VRK1: variants seen among roughly 807,000 people sequenced by gnomAD.
The protein encoded by VRK1 is VRK serine/threonine kinase 1.
In VRK1, 33 loss-of-function variants were observed where a neutral mutation model predicts 57.1. The ratio of observed to expected loss-of-function variants is 0.58; its 90% CI spans 0.44 to 0.77. VRK1 has a LOEUF of 0.77. Among genes scored for constraint, VRK1 ranks in the 30% least tolerant of loss-of-function variants. The pLI, the probability that VRK1 is intolerant of heterozygous loss-of-function variation, is 0.00. For missense variants in VRK1, 413 were observed against 477.3 expected, an observed-to-expected ratio of 0.87 and a Z score of 1.25; for synonymous variants, 137 against 147.8, an observed-to-expected ratio of 0.93 and a Z score of 0.53.
intron 11 of VRK1, among the ~76,000 whole-genome samples, chr14:96,870,465 A>T (rs1888776646): frequency 6.6e-6 from 1 of 152,206 alleles, no homozygotes; most frequent in South Asian, 2.1e-4. Flanking sequence ...ATGAGTGAAG[A>T]GATGTGACAT....
Position 96,866,449 on chromosome 14 carries a change from TCCATGAC to T in VRK1, c.1068+5715_1068+5721del, listed in dbSNP as rs1888589175. 2.0e-5 allele frequency among the ~76,000 whole-genome samples: 3 copies of T among 152,324 alleles called. No individual in the cohort carries two copies. The East Asian group carries it at 5.8e-4, about 29-fold the overall frequency. ...GAAAGACTATATTGGCGATCTCTTC[TCCATGAC>T]TTTAGTTCTTTATGTGTTTCTTATT... On this transcript the variant is annotated intron_variant, in intron 11 of 12. Transcript: ENST00000216639.
At chr14:96,874,168 A>G (rs1450559698) in intron 11 of VRK1, among the ~76,000 whole-genome samples, 2 of 152,218 alleles carry the variant, frequency 1.3e-5, no homozygotes, top group Admixed American at 1.3e-4. Flanking sequence ...GGAAAGCAAT[A>G]TAGTACTGAA....
At chr14:96,835,342 A>T (rs1018340483) in intron 2 of VRK1, among the ~76,000 whole-genome samples, 1 of 152,166 alleles carries the variant, frequency 6.6e-6, no homozygotes, top group African/African-American at 2.4e-5. Flanking sequence ...CTTTTATGGT[A>T]GCATACCTTT....
Position 96,855,204 on chromosome 14 carries a change from TG to T in VRK1, c.577-18del, listed in dbSNP as rs759260596. The T allele has an allele frequency of 6.8e-6, 11 of 1,613,800 alleles. No individual in the cohort carries two copies. Among genetic ancestry groups the T allele is most frequent in the Non-Finnish European group, 9.3e-6 (11 of 1,179,862 alleles). ...CAGTGATTTTGACTTTAGTTTGTCTTGGTGCTTGGAAATTTATAGGTGTACT... is the reference window on the plus strand; with the variant it reads ...CAGTGATTTTGACTTTAGTTTGTCTTGTGCTTGGAAATTTATAGGTGTACT... On this transcript the variant is annotated intron_variant, in intron 7 of 12. Coordinates refer to ENST00000216639, the MANE Select transcript of VRK1 (RefSeq NM_003384.3).
At chr14:96,856,701 G>T (rs1888169905) in intron 10 of VRK1, 115 bp downstream of exon 10, 1 of 883,986 alleles carries the variant, frequency 1.1e-6, no homozygotes, top group South Asian at 1.4e-5. Context: ...AGGCATGGTG[G>T]CTCACACCTG....
intron 1 of VRK1, among the ~76,000 whole-genome samples, chr14:96,815,913 G>A (rs1464168614): frequency 6.6e-6 from 1 of 151,688 alleles, no homozygotes; most frequent in Non-Finnish European, 1.5e-5. Context: ...TTCTTGCTCT[G>A]TCCACTCAAA....
intron 3 of VRK1, among the ~76,000 whole-genome samples, chr14:96,843,723 A>G (rs1337153867): frequency 6.6e-6 from 1 of 152,228 alleles, no homozygotes; most frequent in East Asian, 1.9e-4. Flanking sequence ...TAGATTTGAA[A>G]TATGTTAATA....
chr14:96,868,807 T>C (rs1054039418), intron 11 of VRK1, among the ~76,000 whole-genome samples: 16 of 150,760 alleles, frequency 1.1e-4, no homozygotes, highest in African/African-American at 3.7e-4. Flanking sequence ...TGTGCTTTTT[T>C]TTTTTTTTTT....
intron 3 of VRK1, among the ~76,000 whole-genome samples, chr14:96,839,063 G>A (rs1295927182): frequency 6.7e-6 from 1 of 150,048 alleles, no homozygotes; most frequent in Non-Finnish European, 1.5e-5. Flanking sequence ...TTGCACCCTT[G>A]GAGGCAACCA....
intron 8 of VRK1, 113 bp from the exon 9 acceptor site, chr14:96,856,017 A>G (rs1227198552): frequency 7.6e-7 from 1 of 1,310,166 alleles, no homozygotes; most frequent in Non-Finnish European, 1.1e-6. Flanking sequence ...AAATTTTATG[A>G]TGAAAAACAG....
chr14:96,844,319 T>G (rs1399851140), intron 3 of VRK1, among the ~76,000 whole-genome samples: 1 of 152,174 alleles, frequency 6.6e-6, no homozygotes, highest in African/African-American at 2.4e-5. Flanking sequence ...ACTCATACTT[T>G]CAGTATGTTG....
chr14:96,808,467 A>C (rs761174258), intron 1 of VRK1, among the ~76,000 whole-genome samples: 9 of 152,198 alleles, frequency 5.9e-5, no homozygotes, highest in Admixed American at 3.3e-4. Context: ...AAAGTTTTAC[A>C]AAGTGAACAC....
At chr14:96,821,687 T>C (rs1315849795) in intron 1 of VRK1, among the ~76,000 whole-genome samples, 2 of 152,170 alleles carry the variant, frequency 1.3e-5, no homozygotes, top group African/African-American at 2.4e-5. Flanking sequence ...AGTCAGAACA[T>C]GTACACTCCT....
chr14:96,870,871 C>G (rs1284524129), intron 11 of VRK1, among the ~76,000 whole-genome samples: 1 of 152,026 alleles, frequency 6.6e-6, no homozygotes, highest in Non-Finnish European at 1.5e-5. Flanking sequence ...GGCAGCTTTC[C>G]CTAGTTCCTT....
At chr14:96,810,827 C>T (rs969121233) in intron 1 of VRK1, among the ~76,000 whole-genome samples, 3 of 152,118 alleles carry the variant, frequency 2.0e-5, no homozygotes, top group South Asian at 2.1e-4. Context: ...TAACATCTCC[C>T]AGCTTTATGT....
intron 2 of VRK1, among the ~76,000 whole-genome samples, chr14:96,836,431 G>A (rs2139755358): frequency 1.3e-5 from 2 of 150,924 alleles, no homozygotes; most frequent in Middle Eastern, 6.9e-3. Flanking sequence ...TTTCTGATCT[G>A]TCTCTCCTCT....
intron 1 of VRK1, among the ~76,000 whole-genome samples, chr14:96,832,968 A>G (rs1049652721): frequency 1.3e-5 from 2 of 152,110 alleles, no homozygotes; most frequent in South Asian, 2.1e-4. Flanking sequence ...AGTCATGAGG[A>G]TGGATGGGAA....
chr14:96,823,395 T>C (rs1424348451), intron 1 of VRK1, among the ~76,000 whole-genome samples: 1 of 152,192 alleles, frequency 6.6e-6, no homozygotes, highest in Non-Finnish European at 1.5e-5. Context: ...ATTTACATAA[T>C]CCACAGTTAA....
At chr14:96,838,281 G>A (rs983528217) in intron 3 of VRK1, among the ~76,000 whole-genome samples, 2 of 151,486 alleles carry the variant, frequency 1.3e-5, no homozygotes, top group African/African-American at 4.9e-5. Context: ...TGATTATTGG[G>A]CCTTTTTTGC....
Sources: gnomAD v4.1 joint callset for allele counts (sites outside exome capture counted in the v4.1 genomes callset) on GRCh38, gnomAD v4.1.1 for gene constraint, MANE v1.5 for transcripts, NCBI Gene and HGNC (gene_info 2026-07-23, HGNC 2026-07-21) for gene names.